The following AUTS2 variants were observed in gnomAD, a reference collection of about 807,000 sequenced individuals.
AUTS2 encodes activator of transcription and developmental regulator AUTS2.
AUTS2 carries 17 observed loss-of-function variants against 112.4 expected under a neutral mutation model. The ratio of observed to expected loss-of-function variants is 0.15; its 90% CI spans 0.10 to 0.23. The LOEUF is 0.23. Ranked by LOEUF, AUTS2 falls within the 10% of genes least tolerant of loss-of-function variation. The pLI is 1.00. For missense variants in AUTS2, 1,510 were observed against 1,701.6 expected, an observed-to-expected ratio of 0.89 and a Z score of 1.98; for synonymous variants, 751 against 702.7, an observed-to-expected ratio of 1.07 and a Z score of -1.09.
chr7:69,888,027 G>A (rs1762023654), intron 1 of AUTS2, among the ~76,000 whole-genome samples: 2 of 152,154 alleles, frequency 1.3e-5, no homozygotes, highest in South Asian at 2.1e-4. Context: ...AGGAATACCT[G>A]AGGCTAGGTG....
intron 1 of AUTS2, among the ~76,000 whole-genome samples, chr7:69,839,700 A>G (rs1791888158): frequency 6.6e-6 from 1 of 152,160 alleles, no homozygotes; most frequent in Admixed American, 6.5e-5. Flanking sequence ...GGGGGTATTC[A>G]GGAAAGCAGG....
intron 2 of AUTS2, among the ~76,000 whole-genome samples, chr7:70,039,600 T>C: frequency 6.6e-6 from 1 of 152,136 alleles, no homozygotes; most frequent in Non-Finnish European, 1.5e-5. Context: ...ATCCCTGCCT[T>C]GGCCTTCCAA....
intron 2 of AUTS2, among the ~76,000 whole-genome samples, chr7:70,106,565 T>C (rs1028486296): frequency 3.9e-5 from 6 of 152,044 alleles, no homozygotes; most frequent in African/African-American, 1.4e-4. Flanking sequence ...CAAAAAAATG[T>C]AGAAATTAGC....
chr7:70,464,357 A>G (rs1053441256), intron 5 of AUTS2, among the ~76,000 whole-genome samples: 41 of 152,250 alleles, frequency 2.7e-4, no homozygotes, highest in African/African-American at 9.4e-4. Flanking sequence ...GCAACGTACA[A>G]TCAAGTACAA....
intron 3 of AUTS2, among the ~76,000 whole-genome samples, chr7:70,121,431 G>A (rs1028009488): frequency 1.3e-5 from 2 of 152,182 alleles, no homozygotes; most frequent in African/African-American, 4.8e-5. Context: ...GAAAAGATTT[G>A]CAAATCATAT....
chr7:69,776,222 T>A (rs1354167334), intron 1 of AUTS2, among the ~76,000 whole-genome samples: 1 of 152,172 alleles, frequency 6.6e-6, no homozygotes, highest in East Asian at 1.9e-4. Context: ...TCAGCCTGCA[T>A]TAAAGGGTCG....
intron 4 of AUTS2, among the ~76,000 whole-genome samples, chr7:70,233,373 G>A (rs1026802481): frequency 6.6e-6 from 1 of 152,146 alleles, no homozygotes; most frequent in African/African-American, 2.4e-5. Flanking sequence ...AGTTGCAATG[G>A]TATAGGAACT....
chr7:70,403,905 TAAAAG>T, intron 4 of AUTS2, among the ~76,000 whole-genome samples: 1 of 152,126 alleles, frequency 6.6e-6, no homozygotes, highest in East Asian at 1.9e-4. Context: ...GCCTAATTCT[TAAAAG>T]AACTGATTTG....
At chr7:69,668,228 G>C (rs1796160472) in intron 1 of AUTS2, among the ~76,000 whole-genome samples, 1 of 152,150 alleles carries the variant, frequency 6.6e-6, no homozygotes, top group Non-Finnish European at 1.5e-5. Context: ...TTGTGGTTCT[G>C]TTTTGCTACT....
intron 5 of AUTS2, among the ~76,000 whole-genome samples, chr7:70,602,810 A>G (rs1803544268): frequency 6.6e-6 from 1 of 152,196 alleles, no homozygotes; most frequent in Non-Finnish European, 1.5e-5. Flanking sequence ...TACATACTGG[A>G]TAATGATTTT....
intron 1 of AUTS2, among the ~76,000 whole-genome samples, chr7:69,776,350 A>G (rs758600792): frequency 8.5e-5 from 13 of 152,190 alleles, no homozygotes; most frequent in Non-Finnish European, 1.5e-4. Context: ...TAGTAGGGGA[A>G]GGCATAGAGG....
At chr7:70,300,335 C>G (rs570679191) in intron 4 of AUTS2, among the ~76,000 whole-genome samples, 2 of 152,154 alleles carry the variant, frequency 1.3e-5, no homozygotes, top group Non-Finnish European at 2.9e-5. Context: ...GAGCCACGTG[C>G]GGGCTGCGGG....
intron 4 of AUTS2, among the ~76,000 whole-genome samples, chr7:70,221,094 G>C (rs142321222): frequency 0.016 from 2,361 of 152,232 alleles, 20 homozygotes; most frequent in Middle Eastern, 0.031. Context: ...GTTTTGTAGA[G>C]ATGAAGTCTC....
At chr7:69,870,531 A>T (rs1177910586) in intron 1 of AUTS2, among the ~76,000 whole-genome samples, 3 of 146,198 alleles carry the variant, frequency 2.1e-5, no homozygotes, top group East Asian at 2.0e-4. Context: ...AACAAAAAAA[A>T]AAAATAAAAC....
At position 69,599,992 on chromosome 7, in the gene AUTS2, C is replaced by G; in HGVS notation, c.309+30C>G. On this transcript the variant is annotated intron_variant, in intron 1 of 18. Transcript: ENST00000342771. This position sits in a 1 kb window ranked among gnomAD's most constrained non-coding sequence, Gnocchi z 7.0. The stretch of plus-strand genomic sequence containing the variant: ...GGGGGACCCCCCTTCCCCCGGGTTC[C>G]CTTTATGCACGACCCCACTCGGCTG... The G allele has an allele frequency of 6.2e-7, 1 of 1,610,832 alleles. No individual in the cohort carries two copies. The highest frequency in any genetic ancestry group is 1.3e-5 in the African/African-American group (1 of 74,948).
intron 1 of AUTS2, among the ~76,000 whole-genome samples, chr7:69,635,757 A>C (rs1445878079): frequency 6.6e-6 from 1 of 152,244 alleles, no homozygotes; most frequent in Non-Finnish European, 1.5e-5. Flanking sequence ...ATGAATCAGC[A>C]ATGCCTTGGA....
intron 1 of AUTS2, among the ~76,000 whole-genome samples, chr7:69,760,174 TA>T (rs536806725): frequency 0.011 from 1,477 of 140,358 alleles, 6 homozygotes; most frequent in African/African-American, 0.016. Flanking sequence ...TGGAGATAAT[TA>T]AAAAAAAAAA....
chr7:69,932,375 G>T (rs1206777612), intron 2 of AUTS2, among the ~76,000 whole-genome samples: 1 of 152,158 alleles, frequency 6.6e-6, no homozygotes, highest in Non-Finnish European at 1.5e-5. Context: ...TATTGAAGAT[G>T]GAAGTCATTT....
At chr7:70,752,486 C>T (rs1295453036) in intron 6 of AUTS2, among the ~76,000 whole-genome samples, 1 of 152,166 alleles carries the variant, frequency 6.6e-6, no homozygotes, top group East Asian at 1.9e-4. Context: ...CCGTTGATAA[C>T]TCAGAATAAG....
Sources: gnomAD v4.1 joint callset for allele counts (sites outside exome capture counted in the v4.1 genomes callset) on GRCh38, gnomAD v4.1.1 for gene constraint, Gnocchi (gnomAD v3.1) non-coding constraint, MANE v1.5 for transcripts, NCBI Gene and HGNC (gene_info 2026-07-23, HGNC 2026-07-21) for gene names.